AGO2: variants seen among roughly 807,000 people sequenced by gnomAD.
AGO2 encodes the protein argonaute RISC catalytic component 2, also known as protein argonaute-2.
Under a neutral mutation model 102.3 loss-of-function variants are expected in AGO2, and 5 were observed. That is an observed-to-expected ratio of 0.05 (90% CI 0.03 to 0.10). The LOEUF is 0.10. Among genes scored for constraint, AGO2 ranks in the 10% least tolerant of loss-of-function variants. AGO2 has a pLI of 1.00. For synonymous variants in AGO2, 449 were observed against 473.1 expected (o/e 0.95, Z 0.66); for missense variants, 541 against 1,183.7 (o/e 0.46, Z 7.97).
chr8:140,610,725 T>A (rs2074064844), intron 1 of AGO2, among the ~76,000 whole-genome samples: 2 of 152,182 alleles, frequency 1.3e-5, no homozygotes, highest in Admixed American at 1.3e-4. Flanking sequence ...CCCCACTGTC[T>A]CTGCACCAGA....
intron 1 of AGO2, among the ~76,000 whole-genome samples, chr8:140,616,184 C>T (rs1422027839): frequency 1.3e-5 from 2 of 152,224 alleles, no homozygotes; most frequent in Non-Finnish European, 2.9e-5. Context: ...ACCGCCATCC[C>T]ATCTGTACCC....
intron 11 of AGO2, among the ~76,000 whole-genome samples, chr8:140,550,460 C>A (rs1461257344): frequency 6.6e-6 from 1 of 152,218 alleles, no homozygotes; most frequent in Non-Finnish European, 1.5e-5. Flanking sequence ...TGGGTGAGGG[C>A]AGGCCCTTCC....
rs779722744 is a variant in AGO2, at chr8:140,560,375, A to G, written c.654T>C (p.Asp218=). ...PSLWKMMLNI[D]VSATAFYKAQ... ...TGAAGACCCCAGGGCGCTGCTTACC[A>G]TCAATATTCAGCATCATTTTCCAGA... is the stretch of plus-strand genomic sequence containing the variant. The change falls in exon 5 of 19, where the codon GAT becomes GAC. Residue 218 remains aspartate (D), a splice_region_variant and synonymous_variant. Coordinates refer to ENST00000220592, the MANE Select transcript of AGO2 (RefSeq NM_012154.5). 4.4e-5 allele frequency: 71 copies of G among 1,613,346 alleles called. No individual in the cohort carries two copies. The highest frequency in any genetic ancestry group is 1.6e-4 in the Middle Eastern group (1 of 6,082).
chr8:140,534,870 G>GGTGCTC (rs2072668135), intron 17 of AGO2, among the ~76,000 whole-genome samples: 1 of 152,214 alleles, frequency 6.6e-6, no homozygotes, highest in South Asian at 2.1e-4. Context: ...CCACGGACGT[G>GGTGCTC]GTGCTCCTGC....
intron 3 of AGO2, among the ~76,000 whole-genome samples, chr8:140,566,332 T>C (rs927715190): frequency 2.6e-5 from 4 of 152,254 alleles, no homozygotes; most frequent in Non-Finnish European, 5.9e-5. Flanking sequence ...GATGCTTCCC[T>C]AGCCACATGG....
intron 1 of AGO2, among the ~76,000 whole-genome samples, chr8:140,597,269 G>A (rs967794203): frequency 6.6e-6 from 1 of 152,184 alleles, no homozygotes; most frequent in Non-Finnish European, 1.5e-5. Context: ...CACCCTTTCC[G>A]GCAAGCACAG....
intron 1 of AGO2, among the ~76,000 whole-genome samples, chr8:140,600,608 A>G (rs1343228956): frequency 6.6e-6 from 1 of 151,578 alleles, no homozygotes; most frequent in East Asian, 1.9e-4. Flanking sequence ...TGAACCTGGG[A>G]GGCAGTGGTT....
chr8:140,608,819 T>C (rs1374367002), intron 1 of AGO2, among the ~76,000 whole-genome samples: 1 of 152,228 alleles, frequency 6.6e-6, no homozygotes, highest in Non-Finnish European at 1.5e-5. Context: ...GCAAGGGTCA[T>C]AGAACAGCAT....
chr8:140,630,916 T>C (rs1186677247), intron 1 of AGO2, among the ~76,000 whole-genome samples: 1 of 152,296 alleles, frequency 6.6e-6, no homozygotes, highest in East Asian at 1.9e-4. Context: ...TCGCTGGGCA[T>C]GGTGGCACAT....
chr8:140,628,604 AC>A (rs2074304724), intron 1 of AGO2, among the ~76,000 whole-genome samples: 1 of 150,118 alleles, frequency 6.7e-6, no homozygotes, highest in Non-Finnish European at 1.5e-5. Flanking sequence ...CAGGAGTGAG[AC>A]CAGCCTGGGC....
chr8:140,633,371 C>G (rs561583876), intron 1 of AGO2, among the ~76,000 whole-genome samples: 1 of 152,274 alleles, frequency 6.6e-6, no homozygotes, highest in East Asian at 1.9e-4. Flanking sequence ...TGGGTTCATT[C>G]CCATCCTGCC....
At chr8:140,621,340 G>A (rs2152107423) in intron 1 of AGO2, among the ~76,000 whole-genome samples, 1 of 152,216 alleles carries the variant, frequency 6.6e-6, no homozygotes, top group South Asian at 2.1e-4. Context: ...GCTTGCACTG[G>A]AGACACCTGC....
At chr8:140,544,336 G>T in intron 13 of AGO2, 33 bp from the exon 14 acceptor site, 1 of 1,577,934 alleles carries the variant, frequency 6.3e-7, no homozygotes, top group African/African-American at 1.4e-5. Flanking sequence ...GGGCCACGGT[G>T]AGACACGCCT....
At chr8:140,534,831 T>C (rs951259062) in intron 17 of AGO2, among the ~76,000 whole-genome samples, 1 of 152,128 alleles carries the variant, frequency 6.6e-6, no homozygotes, top group Non-Finnish European at 1.5e-5. Flanking sequence ...CGGGCGAGGC[T>C]CTGCAGAGCT....
At chr8:140,587,880 C>T (rs1003580302) in intron 1 of AGO2, among the ~76,000 whole-genome samples, 4 of 152,196 alleles carry the variant, frequency 2.6e-5, no homozygotes, top group African/African-American at 4.8e-5. Context: ...CAAGAAGATG[C>T]CACCACACTG....
rs577863361 is a variant in AGO2, at chr8:140,628,885, G to A, written c.22+6600C>T. ...GTGGATCACCTGAGCTCAGGAGTTC[G>A]AGACCAGTCTGGGCAACATGGCAAA... On this transcript the variant is annotated intron_variant, in intron 1 of 18. Coordinates refer to ENST00000220592, the MANE Select transcript of AGO2 (RefSeq NM_012154.5). Among the ~76,000 whole-genome samples the A allele has an allele frequency of 5.9e-5, 9 of 152,124 alleles. No homozygotes were observed. The South Asian group carries it at 1.2e-3, about 21-fold the overall frequency.
chr8:140,547,693 C>T, intron 12 of AGO2, 66 bp from the exon 13 acceptor site: 1 of 1,547,440 alleles, frequency 6.5e-7, no homozygotes, highest in East Asian at 2.3e-5. Flanking sequence ...CCGAGAGCAG[C>T]AGCTGCCACC....
chr8:140,592,450 G>A (rs927001445), intron 1 of AGO2: 4 of 152,202 alleles, frequency 2.6e-5, no homozygotes, highest in African/African-American at 9.7e-5. Flanking sequence ...AATATAGCAA[G>A]GACTGTGTCT....
chr8:140,554,769 G>A (rs2073065404), intron 10 of AGO2, among the ~76,000 whole-genome samples: 1 of 151,960 alleles, frequency 6.6e-6, no homozygotes, highest in Admixed American at 6.6e-5. Context: ...TCAGCTCACT[G>A]CAACCTCCAC....
Sources: allele counts gnomAD v4.1 joint callset (sites outside exome capture counted in the v4.1 genomes callset), GRCh38; gene constraint gnomAD v4.1.1; transcripts MANE v1.5; gene names NCBI Gene and HGNC (gene_info 2026-07-23, HGNC 2026-07-21).